Variants in DLGAP4 observed in about 807,000 individuals in gnomAD.
The protein encoded by DLGAP4 is disks large-associated protein 4.
In DLGAP4, 18 loss-of-function variants were observed where a neutral mutation model predicts 86.9. The observed-to-expected ratio is 0.21, with a 90% CI of 0.14 to 0.31. DLGAP4 has a LOEUF of 0.31. Ranked by LOEUF, DLGAP4 falls within the 10% of genes least tolerant of loss-of-function variation. The pLI, the probability that DLGAP4 is intolerant of heterozygous loss-of-function variation, is 1.00. For synonymous variants in DLGAP4, 548 were observed against 574.3 expected (o/e 0.95, Z 0.65); for missense variants, 1,085 against 1,362.6 (o/e 0.80, Z 3.21).
chr20:36,426,055 A>G (rs2032964346), intron 2 of DLGAP4, among the ~76,000 whole-genome samples: 1 of 152,256 alleles, frequency 6.6e-6, no homozygotes, highest in Admixed American at 6.5e-5. Context: ...TGATGCAGCC[A>G]TAAAACGGAA....
At chr20:36,399,442 T>C (rs2032092915) in intron 2 of DLGAP4, among the ~76,000 whole-genome samples, 1 of 152,214 alleles carries the variant, frequency 6.6e-6, no homozygotes, top group Non-Finnish European at 1.5e-5. Context: ...CATGCCTGCT[T>C]TGCAATCTCT....
chr20:36,489,204 C>T (rs890977802), intron 7 of DLGAP4, among the ~76,000 whole-genome samples: 1 of 152,192 alleles, frequency 6.6e-6, no homozygotes, highest in African/African-American at 2.4e-5. Context: ...GGGCACATGT[C>T]TGCGAGCCCC....
chr20:36,331,823 C>T (rs187094094), intron 1 of DLGAP4, among the ~76,000 whole-genome samples: 3 of 152,042 alleles, frequency 2.0e-5, no homozygotes, highest in African/African-American at 4.8e-5. Context: ...TCAGGGAGGG[C>T]CTCTCTGGGG....
At chr20:36,409,878 A>C (rs1251597868) in intron 2 of DLGAP4, among the ~76,000 whole-genome samples, 1 of 150,714 alleles carries the variant, frequency 6.6e-6, no homozygotes, top group Admixed American at 6.6e-5. Flanking sequence ...CTAAAAATAC[A>C]AAAAAATTAG....
At chr20:36,320,177 C>G (rs1197457890) in intron 1 of DLGAP4, among the ~76,000 whole-genome samples, 1 of 123,512 alleles carries the variant, frequency 8.1e-6, no homozygotes, top group African/African-American at 3.0e-5. Context: ...CCCAGGCCCC[C>G]CTCTGTGCCC....
At chr20:36,382,574 G>C (rs1184872368) in intron 2 of DLGAP4, among the ~76,000 whole-genome samples, 1 of 133,588 alleles carries the variant, frequency 7.5e-6, no homozygotes, top group Non-Finnish European at 1.5e-5. Flanking sequence ...CTGTCACCCA[G>C]GCTGGAGTGC....
intron 7 of DLGAP4, among the ~76,000 whole-genome samples, chr20:36,470,175 T>A (rs1018722860): frequency 6.6e-6 from 1 of 152,130 alleles, no homozygotes; most frequent in Non-Finnish European, 1.5e-5. Context: ...TCACTTAATT[T>A]CCCGTCCTTC....
rs1406198599 is a variant in DLGAP4 at position 36,525,247 on chromosome 20, AAAAAAAAC to A, written c.2605-600_2605-593del. 4.2e-3 allele frequency among the ~76,000 whole-genome samples: 319 copies of A among 75,586 alleles called. 36 individuals carry two copies. Among genetic ancestry groups the A allele is most frequent in the East Asian group, 0.011 (25 of 2,296 alleles). 49.6% of individuals were successfully genotyped at this position (75,586 alleles called of 152,430 possible). The stretch of plus-strand genomic sequence containing the variant: ...AAAAAAAAAAAAAAAAAAAAAAAAA[AAAAAAAAC>A]AAAGAAATCCCACTGCTGGGATTGG... On this transcript the variant is annotated intron_variant, in intron 11 of 12. Transcript: ENST00000339266.
chr20:36,401,638 C>G (rs2032164655), intron 2 of DLGAP4, among the ~76,000 whole-genome samples: 1 of 152,246 alleles, frequency 6.6e-6, no homozygotes, highest in Non-Finnish European at 1.5e-5. Flanking sequence ...GCGTTGGGGA[C>G]ACAGCCTTGA....
At chr20:36,391,963 CT>C (rs2031797762) in intron 2 of DLGAP4, among the ~76,000 whole-genome samples, 1 of 152,238 alleles carries the variant, frequency 6.6e-6, no homozygotes, top group Admixed American at 6.5e-5. Flanking sequence ...AAGGCTTGTC[CT>C]TTTGGAGGAA....
At chr20:36,313,621 G>A (rs2065071877) in intron 1 of DLGAP4, among the ~76,000 whole-genome samples, 1 of 152,116 alleles carries the variant, frequency 6.6e-6, no homozygotes, top group Non-Finnish European at 1.5e-5. Flanking sequence ...GCAGGGCCGT[G>A]GTCCAGAGAC....
intron 2 of DLGAP4, among the ~76,000 whole-genome samples, chr20:36,396,908 T>G (rs1038524451): frequency 6.6e-6 from 1 of 152,158 alleles, no homozygotes; most frequent in African/African-American, 2.4e-5. Context: ...CAACCCACCA[T>G]GGAACAGGAA....
chr20:36,503,479 CTTTTTTTTTTTTTT>C (rs982287997), intron 10 of DLGAP4, among the ~76,000 whole-genome samples: 2 of 109,906 alleles, frequency 1.8e-5, no homozygotes, highest in Non-Finnish European at 3.5e-5. Context: ...CATATATGGC[CTTTTTTTTTTTTTT>C]TTTTTTTTTT....
chr20:36,402,106 GAC>G, intron 2 of DLGAP4, among the ~76,000 whole-genome samples: 1 of 152,322 alleles, frequency 6.6e-6, no homozygotes, highest in South Asian at 2.1e-4. Flanking sequence ...GGGCCAGGAA[GAC>G]ACATGTCATG....
intron 10 of DLGAP4, chr20:36,511,096 C>G (rs1195030120): frequency 6.6e-6 from 1 of 152,204 alleles, no homozygotes; most frequent in Admixed American, 6.5e-5. Flanking sequence ...ATTGAATCTT[C>G]TCAACTATAA....
chr20:36,494,559 C>T (rs1313270984), intron 7 of DLGAP4, among the ~76,000 whole-genome samples: 3 of 152,182 alleles, frequency 2.0e-5, no homozygotes, highest in Admixed American at 2.0e-4. Context: ...TCCAGAATAT[C>T]GACAGATACA....
chr20:36,454,271 AAGAT>A (rs1280047600), intron 7 of DLGAP4, among the ~76,000 whole-genome samples: 3 of 151,766 alleles, frequency 2.0e-5, no homozygotes, highest in African/African-American at 7.3e-5. Context: ...AAAAAAAAAA[AAGAT>A]AGAAAGAAAG....
intron 2 of DLGAP4, among the ~76,000 whole-genome samples, chr20:36,421,872 C>T (rs975830703): frequency 5.3e-5 from 8 of 151,942 alleles, no homozygotes. Flanking sequence ...ACAGATTGGG[C>T]GGAAGATGTA....
intron 1 of DLGAP4, among the ~76,000 whole-genome samples, chr20:36,328,716 C>T (rs2065239923): frequency 6.6e-6 from 1 of 151,950 alleles, no homozygotes; most frequent in South Asian, 2.1e-4. Context: ...GCAACCTCCA[C>T]CTCCTGGGTT....
Sources: gnomAD v4.1 joint callset for allele counts (sites outside exome capture counted in the v4.1 genomes callset) on GRCh38, gnomAD v4.1.1 for gene constraint, MANE v1.5 for transcripts, NCBI Gene and HGNC (gene_info 2026-07-23, HGNC 2026-07-21) for gene names.